The following ARAP1 variants were observed in gnomAD, a reference collection of about 807,000 sequenced individuals.
ARAP1 encodes ArfGAP with RhoGAP domain, ankyrin repeat and PH domain 1.
Under a neutral mutation model 172.2 loss-of-function variants are expected in ARAP1, and 76 were observed. The observed-to-expected ratio is 0.44, with a 90% CI of 0.37 to 0.53. The LOEUF is 0.53. ARAP1 is among the 20% of genes least tolerant of loss of function. The pLI is 0.00. For synonymous variants in ARAP1, 804 were observed against 803.3 expected (o/e 1.00, Z -0.01); for missense variants, 1,686 against 1,977.5 (o/e 0.85, Z 2.80).
intron 3 of ARAP1, among the ~76,000 whole-genome samples, chr11:72,723,818 A>T (rs1383337669): frequency 2.6e-5 from 4 of 152,230 alleles, no homozygotes; most frequent in Non-Finnish European, 5.9e-5. Flanking sequence ...ATTCTGCAGC[A>T]AACAAAATCG....
chr11:72,694,994 T>C lies in ARAP1; in HGVS notation c.3680A>G (p.Glu1227Gly), dbSNP rs1182447116. 1.9e-6 allele frequency: 3 copies of C among 1,614,014 alleles called. No homozygotes were observed. Among genetic ancestry groups the C allele is most frequent in the Non-Finnish European group, 2.5e-6 (3 of 1,179,974 alleles). Residue 1227 changes from glutamate to glycine, a missense_variant, in exon 27 of 35, where the codon GAG (glutamate) becomes GGG (glycine). Physicochemically the swap from Glu to Gly is moderately conservative, Grantham distance 98 (BLOSUM62 -2). Around this residue, in one of 5 missense-constraint regions of ARAP1, gnomAD observed 379 missense variants for 500.1 expected, o/e 0.76. Coordinates refer to ENST00000393609, the MANE Select transcript of ARAP1 (RefSeq NM_001040118.3). ...GCGTCACCCACCTGCCTCCTCCCTC[T>C]CGTTGACCTCAAAGCAGGTCCAATA... ...KDYWTCFEVN[E>G]REEAERPLHF...
At chr11:72,703,791 T>G (rs1591192551) in intron 14 of ARAP1, 1 of 263,216 alleles carries the variant, frequency 3.8e-6, no homozygotes, top group South Asian at 4.1e-5. Flanking sequence ...TGGGGATGGG[T>G]CAGAGCAGCC....
At chr11:72,739,329 C>T (rs1858133267) in intron 1 of ARAP1, among the ~76,000 whole-genome samples, 1 of 152,208 alleles carries the variant, frequency 6.6e-6, no homozygotes, top group African/African-American at 2.4e-5. Flanking sequence ...CCTGTCCTGG[C>T]CCATGTGTGG....
At chr11:72,748,190 A>G (rs780412211) in intron 1 of ARAP1, among the ~76,000 whole-genome samples, 1 of 152,230 alleles carries the variant, frequency 6.6e-6, no homozygotes, top group African/African-American at 2.4e-5. Flanking sequence ...AGCTTCCAAG[A>G]AACAATAGCT....
chr11:72,696,669 T>C lies in ARAP1; in HGVS notation c.3167-15A>G. 15 of 1,568,234 alleles carry C rather than the reference T, an allele frequency of 9.6e-6. No individual in the cohort carries two copies. Among genetic ancestry groups the C allele is most frequent in the Non-Finnish European group, 1.3e-5 (15 of 1,153,708 alleles). ...GTCCTCAATCTCTGGGTGGGAAAGA[T>C]AAATCAAGTCAGAAACCCCCTGTAA... On this transcript the variant is annotated splice_polypyrimidine_tract_variant and intron_variant, in intron 22 of 34. Transcript: ENST00000393609.
intron 18 of ARAP1, 82 bp from the exon 19 acceptor site, chr11:72,698,188 C>T (rs1856306897): frequency 2.1e-6 from 3 of 1,429,880 alleles, no homozygotes; most frequent in Non-Finnish European, 2.8e-6. Context: ...CTTACAGGCA[C>T]ATGCCCTCTT....
rs1217077830 is a variant in ARAP1 at position 72,711,037 on chromosome 11, G to A, written c.1197C>T (p.Phe399=). 1 of 1,614,188 alleles carries A rather than the reference G, an allele frequency of 6.2e-7. No homozygotes were observed. Among genetic ancestry groups the A allele is most frequent in the South Asian group, 1.1e-5 (1 of 91,082 alleles). ...ACTCCCCACCATCACTCTCTGCCCG[G>A]AAGGCAAAGGTTCGGTTGTTTGTGA... is the stretch of plus-strand genomic sequence containing the variant. The part of the protein sequence containing the change: ...EVITNNRTFA[F]RAESDVERKE... Residue 399 remains phenylalanine (F), a synonymous_variant, in exon 9 of 35, where the codon TTC becomes TTT. Coordinates refer to ENST00000393609, the MANE Select transcript of ARAP1 (RefSeq NM_001040118.3).
intron 2 of ARAP1, among the ~76,000 whole-genome samples, chr11:72,732,310 C>G (rs1488863858): frequency 6.6e-6 from 1 of 152,178 alleles, no homozygotes; most frequent in African/African-American, 2.4e-5. Flanking sequence ...CTGTCTCGTA[C>G]CCCCACCCTG....
At chr11:72,734,999 T>C (rs1012222836) in intron 1 of ARAP1, among the ~76,000 whole-genome samples, 1 of 152,058 alleles carries the variant, frequency 6.6e-6, no homozygotes, top group Admixed American at 6.6e-5. Context: ...CTTTTTTTTT[T>C]AGACAGGGTC....
intron 1 of ARAP1, among the ~76,000 whole-genome samples, chr11:72,733,988 G>A (rs1260085818): frequency 6.6e-6 from 1 of 152,082 alleles, no homozygotes; most frequent in African/African-American, 2.4e-5. Flanking sequence ...ACCATGCCCA[G>A]CTAATTTTTG....
chr11:72,751,838 C>A (rs1415302231), intron 1 of ARAP1, among the ~76,000 whole-genome samples: 2 of 152,138 alleles, frequency 1.3e-5, no homozygotes, highest in Admixed American at 1.3e-4. Flanking sequence ...CACATACTTT[C>A]TTTCACCAGC....
chr11:72,715,128 C>T (rs1857216893), intron 3 of ARAP1, among the ~76,000 whole-genome samples: 1 of 152,224 alleles, frequency 6.6e-6, no homozygotes, highest in Non-Finnish European at 1.5e-5. Context: ...CTTGTGTGTC[C>T]TGGGGTGAGC....
Position 72,709,932 on chromosome 11 carries a change from C to T in ARAP1, c.1461G>A (p.Val487=). ...GCCGGTCCACTTCCTTCACGTTGCC[C>T]ACGCTCATGTCGATGAAGGTGATGC... ...GIGITFIDMS[V]GNVKEVDRRS... is the part of the protein sequence containing the mutation. Residue 487 remains valine (V), a synonymous_variant, in exon 11 of 35, where the codon GTG becomes GTA. Coordinates refer to ENST00000393609, the MANE Select transcript of ARAP1 (RefSeq NM_001040118.3). 1 of 1,614,092 alleles carries T rather than the reference C, an allele frequency of 6.2e-7. No homozygotes were observed. Among genetic ancestry groups the T allele is most frequent in the South Asian group, 1.1e-5 (1 of 91,086 alleles).
chr11:72,687,916 C>G (rs1311684498), intron 31 of ARAP1, among the ~76,000 whole-genome samples, 178 bp from the exon 32 acceptor site: 1 of 152,118 alleles, frequency 6.6e-6, no homozygotes, highest in Non-Finnish European at 1.5e-5. Flanking sequence ...CCTCCCAGGC[C>G]CTTGACACCC....
At chr11:72,692,869 T>C in intron 29 of ARAP1, 84 bp from the exon 30 acceptor site, 6 of 1,553,316 alleles carry the variant, frequency 3.9e-6, no homozygotes, top group Non-Finnish European at 5.3e-6. Context: ...GGGGTTGGGG[T>C]GTGTGTATGG....
rs1591204846 is a variant in ARAP1, at chr11:72,710,589, T to C, written c.1214-2A>G. 1 of 1,603,876 alleles carries C rather than the reference T, an allele frequency of 6.2e-7. No individual in the cohort carries two copies. The stretch of plus-strand genomic sequence containing the variant: ...CCTGCATCCACTCCTTCCGCTCCAC[T>C]GCAGGAGAAGGGTAGAGGAGTAAGC... On this transcript the variant is annotated splice_acceptor_variant, in intron 9 of 34. Transcript: ENST00000393609. LOFTEE classifies it high-confidence loss of function. This position sits in a 1 kb window ranked among gnomAD's most constrained non-coding sequence, Gnocchi z 4.3.
At position 72,741,676 on chromosome 11, in the gene ARAP1, G is replaced by A. The variant is rs147158088; in HGVS notation, c.-127-9079C>T. Among the ~76,000 whole-genome samples the A allele has an allele frequency of 5.2e-3, 799 of 152,282 alleles. 9 individuals are homozygous for A. Among genetic ancestry groups the A allele is most frequent in the African/African-American group, 0.019 (770 of 41,558 alleles). ...GAAACAGGAAGAGACAGGGCTGACC[G>A]CAGCAGGGTGGGAGTGCACAGGGCT... On this transcript the variant is annotated intron_variant, in intron 1 of 34. Coordinates refer to ENST00000393609, the MANE Select transcript of ARAP1 (RefSeq NM_001040118.3). This position sits in a 1 kb window ranked among gnomAD's most constrained non-coding sequence, Gnocchi z 4.5.
rs1350555711 is a variant in ARAP1, at chr11:72,695,488, G to T, written c.3508-33C>A. The T allele has an allele frequency of 6.2e-7, 1 of 1,614,234 alleles. No homozygotes were observed. On this transcript the variant is annotated intron_variant, in intron 25 of 34. Coordinates refer to ENST00000393609, the MANE Select transcript of ARAP1 (RefSeq NM_001040118.3). The surrounding 1 kb of genome is among the most constrained non-coding windows in gnomAD (Gnocchi z 4.4). Reference sequence around the variant, plus strand: ...GAGACAGGGCTCAGCTGGGGGCCTAGGAAATGGGTGCAGGTGGCAGGTCCA... The same window carrying T: ...GAGACAGGGCTCAGCTGGGGGCCTATGAAATGGGTGCAGGTGGCAGGTCCA...
In ARAP1 at chr11:72,727,039, A is replaced by G; in HGVS notation, c.90T>C (p.His30=). The G allele has an allele frequency of 1.2e-6, 2 of 1,610,332 alleles. No individual in the cohort carries two copies. The highest frequency in any genetic ancestry group is 1.7e-6 in the Non-Finnish European group (2 of 1,178,408). Residue 30 remains histidine (H), a synonymous_variant, in exon 3 of 35, where the codon CAT becomes CAC. Transcript: ENST00000393609. ...LEQYTGLFEQ[H]GLVWATECQG... is the part of the protein sequence containing the mutation. ...GGCACTCAGTGGCCCACACCAGGCC[A>G]TGCTGCTCAAAGAGCCCCGTGTACT...
Sources: gnomAD v4.1 joint callset for allele counts (sites outside exome capture counted in the v4.1 genomes callset) on GRCh38, gnomAD v4.1.1 for gene constraint, gnomAD v4.1.1 regional missense constraint, Gnocchi (gnomAD v3.1) non-coding constraint, MANE v1.5 for transcripts, NCBI Gene and HGNC (gene_info 2026-07-23, HGNC 2026-07-21) for gene names.